Variants in BOK observed in about 807,000 individuals in gnomAD.
The protein encoded by BOK is BCL2 family apoptosis regulator BOK, also known as bcl-2-related ovarian killer protein.
A neutral mutation model predicts 18.3 loss-of-function variants in BOK; 20 were observed. The observed-to-expected ratio is 1.09, with a 90% CI of 0.77 to 1.59. The LOEUF is 1.59. Ranked by LOEUF, BOK falls within the 40% of genes most tolerant of loss-of-function variation. BOK has a pLI of 0.00. For synonymous variants in BOK, 173 were observed against 142.4 expected, an observed-to-expected ratio of 1.21 and a Z score of -1.53; for missense variants, 348 against 307.9, an observed-to-expected ratio of 1.13 and a Z score of -0.97.
At chr2:241,556,455 G>A (rs1411349349), upstream of BOK, among the ~76,000 whole-genome samples, 1 of 152,018 alleles carries the variant, frequency 6.6e-6, no homozygotes, top group Non-Finnish European at 1.5e-5. Context: ...GTGGTGTCAG[G>A]TGCCTGTAGT....
intron 1 of BOK, among the ~76,000 whole-genome samples, chr2:241,551,662 C>A (rs936031306): frequency 1.3e-5 from 2 of 151,702 alleles, no homozygotes; most frequent in Non-Finnish European, 2.9e-5. Flanking sequence ...CCACTCAGGG[C>A]TCACCACAGC....
At position 241,572,683 on chromosome 2, in the gene BOK, C is replaced by A. The variant is rs987019726; in HGVS notation, c.*261C>A. 5.6e-6 allele frequency: 3 copies of A among 538,658 alleles called. No individual in the cohort carries two copies. In the African/African-American group the frequency reaches 5.7e-5, roughly 10 times the overall value. 33.4% of individuals were successfully genotyped at this position (538,658 alleles called of 1,614,324 possible). On this transcript the variant is annotated 3_prime_UTR_variant, in exon 5 of 5. Transcript: ENST00000318407. Reference sequence around the variant, plus strand: ...CCTTCTCCTGTGATCTCTGTGTTTTCCCTTTTCTTTCTGGGGCCAGGAAGT... The same window carrying A: ...CCTTCTCCTGTGATCTCTGTGTTTTACCTTTTCTTTCTGGGGCCAGGAAGT...
Position 241,558,796 on chromosome 2 carries a change from A to G in BOK, c.-227A>G, listed in dbSNP as rs2066476895. 1 of 151,958 alleles carries G rather than the reference A, an allele frequency of 6.6e-6. No individual in the cohort carries two copies. Among genetic ancestry groups the G allele is most frequent in the Admixed American group, 6.5e-5 (1 of 15,270 alleles). The allele number at this position is 151,958 out of a possible 1,614,324, so 9.4% of individuals were successfully genotyped here. A position where few individuals can be genotyped will look rare whatever the true frequency, so the allele number is the denominator to read the frequency against. On this transcript the variant is annotated 5_prime_UTR_variant, in exon 1 of 5. Transcript: ENST00000318407. ...GCCCACCTCGCTGCCCAGGCCCCCG[A>G]CGCCGCGGCAGGAGCCCCCCAAGAG...
intron 2 of BOK, among the ~76,000 whole-genome samples, chr2:241,561,019 C>G (rs186979465): frequency 2.0e-5 from 3 of 152,194 alleles, no homozygotes; most frequent in Non-Finnish European, 2.9e-5. Flanking sequence ...GCAGCAGCCC[C>G]GGAGATCTGT....
chr2:241,565,601 C>G (rs2066598276), intron 3 of BOK, among the ~76,000 whole-genome samples: 1 of 152,212 alleles, frequency 6.6e-6, no homozygotes, highest in African/African-American at 2.4e-5. Context: ...CTCCTCTTAG[C>G]AGGCGCCCTT....
At chr2:241,569,217 G>A (rs528228153) in intron 3 of BOK, among the ~76,000 whole-genome samples, 10 of 152,226 alleles carry the variant, frequency 6.6e-5, no homozygotes, top group East Asian at 3.9e-4. Flanking sequence ...TGCAACCTCC[G>A]CCTCCCCGGG....
In BOK at chr2:241,564,804, C is replaced by T. The variant is rs1022606202; in HGVS notation, c.349+2328C>T. Among the ~76,000 whole-genome samples the T allele has an allele frequency of 5.9e-5, 9 of 152,322 alleles. No homozygotes were observed. The East Asian group carries it at 7.7e-4, about 13-fold the overall frequency. ...TGGGTGGCCACCCGGGTGTCTGTCTCGGGGCCGCTGGGTTTACGAGCTGCA... is the reference window on the plus strand; with the variant it reads ...TGGGTGGCCACCCGGGTGTCTGTCTTGGGGCCGCTGGGTTTACGAGCTGCA... On this transcript the variant is annotated intron_variant, in intron 3 of 4. Transcript: ENST00000318407.
At position 241,562,219 on chromosome 2, in the gene BOK, A is replaced by T. The variant is rs980696934; in HGVS notation, c.221-129A>T. ...GGGGTCAAGTGGAGGTGGGAATCAGACAAGTGAGGAACAGGCTGGAATTCA... is the reference window on the plus strand; with the variant it reads ...GGGGTCAAGTGGAGGTGGGAATCAGTCAAGTGAGGAACAGGCTGGAATTCA... On this transcript the variant is annotated intron_variant, in intron 2 of 4. Coordinates refer to ENST00000318407, the MANE Select transcript of BOK (RefSeq NM_032515.5). The surrounding 1 kb of genome is among the most constrained non-coding windows in gnomAD (Gnocchi z 4.5). The T allele has an allele frequency of 1.5e-5, 19 of 1,242,030 alleles. No individual in the cohort carries two copies. The highest frequency in any genetic ancestry group is 2.0e-5 in the Non-Finnish European group (18 of 916,320). The allele number at this position is 1,242,030 out of a possible 1,614,324, so 76.9% of individuals were successfully genotyped here. A position where few individuals can be genotyped will look rare whatever the true frequency, so the allele number is the denominator to read the frequency against.
rs886421492 is a variant in BOK at position 241,562,591 on chromosome 2, C to T, written c.349+115C>T. The T allele has an allele frequency of 7.5e-7, 1 of 1,331,460 alleles. No individual in the cohort carries two copies. The highest frequency in any genetic ancestry group is 9.9e-7 in the Non-Finnish European group (1 of 1,005,220). 82.5% of individuals were successfully genotyped at this position (1,331,460 alleles called of 1,614,324 possible). On this transcript the variant is annotated intron_variant, in intron 3 of 4. Transcript: ENST00000318407. The surrounding 1 kb of genome is among the most constrained non-coding windows in gnomAD (Gnocchi z 4.5). ...ACCCATCCTGGCGCTGCCCAGTGCC[C>T]ACCGGTGCCATCTCACTGCTGCAGG...
In BOK at chr2:241,559,697, C is replaced by A; in HGVS notation, c.214C>A (p.Arg72Ser). 15 of 1,319,916 alleles carry A rather than the reference C, an allele frequency of 1.1e-5. No homozygotes were observed. Among genetic ancestry groups the A allele is most frequent in the Non-Finnish European group, 1.4e-5 (15 of 1,040,188 alleles). The allele number at this position is 1,319,916 out of a possible 1,614,324, so 81.8% of individuals were successfully genotyped here. The change falls in exon 2 of 5, where the codon CGC becomes AGC. Residue 72 changes from arginine (R) to serine (S), a missense_variant. Physicochemically the swap from Arg to Ser is moderately radical, Grantham distance 110. Coordinates refer to ENST00000318407, the MANE Select transcript of BOK (RefSeq NM_032515.5). ...RLAEVCAVLL[R>S]LGDELEMIRP... is the part of the protein sequence containing the mutation. ...GGCTGAGGTGTGCGCGGTGCTGCTG[C>A]GCCTGGGTGAGTGCGCCCTGGTGGG...
chr2:241,555,317 G>C (rs1249692053), upstream of BOK, among the ~76,000 whole-genome samples: 1 of 151,852 alleles, frequency 6.6e-6, no homozygotes, highest in Non-Finnish European at 1.5e-5. Flanking sequence ...CTCCCAAGGA[G>C]CTGGGACTAC....
At chr2:241,556,653 A>G (rs945454604), upstream of BOK, among the ~76,000 whole-genome samples, 1 of 151,354 alleles carries the variant, frequency 6.6e-6, no homozygotes, top group African/African-American at 2.4e-5. Flanking sequence ...TATTCTTCCT[A>G]CTTCCCAGAC....
upstream of BOK, among the ~76,000 whole-genome samples, chr2:241,556,337 A>G (rs1228537543): frequency 6.6e-6 from 1 of 152,184 alleles, no homozygotes; most frequent in Non-Finnish European, 1.5e-5. Flanking sequence ...ATAATCCCAG[A>G]ACTTTGTGAT....
At position 241,572,284 on chromosome 2, in the gene BOK, T is replaced by C. The variant is rs1318201559; in HGVS notation, c.514-13T>C. On this transcript the variant is annotated splice_polypyrimidine_tract_variant and intron_variant, in intron 4 of 4. Transcript: ENST00000318407. Reference sequence around the variant, plus strand: ...TGGCTCTGCTTTCTAACGGTCTCCCTCTTCCCTCCCAGACTGATGTCCTCA... The same window carrying C: ...TGGCTCTGCTTTCTAACGGTCTCCCCCTTCCCTCCCAGACTGATGTCCTCA... The C allele has an allele frequency of 2.5e-6, 4 of 1,609,272 alleles. No individual in the cohort carries two copies. Among genetic ancestry groups the C allele is most frequent in the East Asian group, 2.2e-5 (1 of 44,806 alleles).
At chr2:241,569,904 A>G (rs948649680) in intron 3 of BOK, among the ~76,000 whole-genome samples, 2 of 152,178 alleles carry the variant, frequency 1.3e-5, no homozygotes, top group Admixed American at 6.5e-5. Context: ...GGCCTCCTGC[A>G]CAGACGTGGG....
At chr2:241,561,294 A>G (rs1342341350) in intron 2 of BOK, among the ~76,000 whole-genome samples, 1 of 152,258 alleles carries the variant, frequency 6.6e-6, no homozygotes, top group Non-Finnish European at 1.5e-5. Context: ...CAAGGGTGCC[A>G]CAGGCAGCAC....
Position 241,572,368 on chromosome 2 carries a change from C to T in BOK, c.585C>T (p.Cys195=). ...CCCACTGGCTGGTGGCTGCACTCTG[C>T]AGCTTCGGCCGCTTCCTGAAGGCTG... ...LRSHWLVAAL[C]SFGRFLKAAF... is the part of the protein sequence containing the mutation. The change falls in exon 5 of 5, where the codon TGC becomes TGT. Residue 195 remains cysteine (C), a synonymous_variant. Transcript: ENST00000318407. The T allele has an allele frequency of 6.2e-7, 1 of 1,606,750 alleles. No homozygotes were observed.
At chr2:241,563,627 C>A (rs2066565786) in intron 3 of BOK, among the ~76,000 whole-genome samples, 1 of 151,520 alleles carries the variant, frequency 6.6e-6, no homozygotes, top group Non-Finnish European at 1.5e-5. Context: ...GGAGGCCTTG[C>A]ACACCCTTGT....
chr2:241,563,999 C>T (rs940318071), intron 3 of BOK, among the ~76,000 whole-genome samples: 7 of 152,306 alleles, frequency 4.6e-5, no homozygotes, highest in African/African-American at 1.4e-4. Flanking sequence ...GGGGACAGAG[C>T]GGGGCTGACA....
Sources: allele counts gnomAD v4.1 joint callset (sites outside exome capture counted in the v4.1 genomes callset), GRCh38; gene constraint gnomAD v4.1.1; non-coding constraint Gnocchi (gnomAD v3.1); transcripts MANE v1.5; gene names NCBI Gene and HGNC (gene_info 2026-07-23, HGNC 2026-07-21).